Variants in ASTN1 observed in about 807,000 individuals in gnomAD.
The protein encoded by ASTN1 is astrotactin-1.
Under a neutral mutation model 140.7 loss-of-function variants are expected in ASTN1, and 41 were observed. The ratio of observed to expected loss-of-function variants is 0.29; its 90% CI spans 0.23 to 0.38. The LOEUF is 0.38. ASTN1 is among the 10% of genes least tolerant of loss of function. The pLI is 1.00. For missense variants in ASTN1, 1,479 were observed against 1,678.8 expected, an observed-to-expected ratio of 0.88 and a Z score of 2.08; for synonymous variants, 640 against 652.2, an observed-to-expected ratio of 0.98 and a Z score of 0.29.
At chr1:177,029,242 G>A in intron 5 of ASTN1, 2 of 455,124 alleles carry the variant, frequency 4.4e-6, no homozygotes, top group Non-Finnish European at 9.0e-6. Context: ...TCAAACCCAA[G>A]GCCAATGTGG....
intron 1 of ASTN1, among the ~76,000 whole-genome samples, chr1:177,162,406 G>C (rs1039288468): frequency 6.6e-6 from 1 of 152,214 alleles, no homozygotes. Flanking sequence ...AAGTGAGAGA[G>C]TGTGTCTGTG....
intron 8 of ASTN1, among the ~76,000 whole-genome samples, chr1:177,013,093 C>A (rs759435323): frequency 2.0e-5 from 3 of 152,152 alleles, no homozygotes; most frequent in Non-Finnish European, 4.4e-5. Context: ...CATCTATCAG[C>A]CAAACCTTCT....
At chr1:176,944,842 G>T (rs1375240938) in intron 13 of ASTN1, among the ~76,000 whole-genome samples, 1 of 152,170 alleles carries the variant, frequency 6.6e-6, no homozygotes, top group Non-Finnish European at 1.5e-5. Flanking sequence ...GATTAGTGAT[G>T]ACACCTCACT....
At chr1:177,137,744 T>C (rs1183172653) in intron 1 of ASTN1, among the ~76,000 whole-genome samples, 1 of 152,220 alleles carries the variant, frequency 6.6e-6, no homozygotes, top group African/African-American at 2.4e-5. Context: ...CCAGCCAAAC[T>C]GAACCTGGGT....
At chr1:177,063,941 C>G (rs904932806) in intron 1 of ASTN1, among the ~76,000 whole-genome samples, 1 of 152,150 alleles carries the variant, frequency 6.6e-6, no homozygotes, top group Non-Finnish European at 1.5e-5. Flanking sequence ...TGCCACTCAG[C>G]CCTTCCTGTA....
intron 1 of ASTN1, among the ~76,000 whole-genome samples, chr1:177,080,050 G>T (rs1679101715): frequency 6.6e-6 from 1 of 151,940 alleles, no homozygotes; most frequent in Non-Finnish European, 1.5e-5. Context: ...GTCAACAGCT[G>T]GTAGCTGTTG....
chr1:176,952,237 TCTTTC>T (rs1672220677), intron 11 of ASTN1, among the ~76,000 whole-genome samples: 1 of 152,096 alleles, frequency 6.6e-6, no homozygotes, highest in African/African-American at 2.4e-5. Flanking sequence ...GTATTTTCTT[TCTTTC>T]TTTTTTTTCT....
At chr1:177,152,721 A>T (rs1233212479) in intron 1 of ASTN1, among the ~76,000 whole-genome samples, 2 of 152,176 alleles carry the variant, frequency 1.3e-5, no homozygotes, top group Non-Finnish European at 2.9e-5. Flanking sequence ...TTACATTTTT[A>T]GAACCAGATA....
In ASTN1 at chr1:176,861,966, A is replaced by G. The variant is rs75382178; in HGVS notation, c.*2318T>C. The G allele has an allele frequency of 1.7e-4, 172 of 985,546 alleles. 4 individuals are homozygous for G. In the East Asian group the frequency reaches 0.016, roughly 92 times the overall value. The allele number at this position is 985,546 out of a possible 1,614,324, so 61.1% of individuals were successfully genotyped here. ...TGGCCTGTCAACTCCCACATCATCC[A>G]CTTCTGGGCAGGAAGGCATCGGCAG... On this transcript the variant is annotated 3_prime_UTR_variant, in exon 23 of 23. Transcript: ENST00000361833.
intron 8 of ASTN1, among the ~76,000 whole-genome samples, chr1:176,975,827 A>G (rs1022442096): frequency 6.6e-6 from 1 of 152,206 alleles, no homozygotes; most frequent in African/African-American, 2.4e-5. Flanking sequence ...GGGTTGGGTC[A>G]AACATCAGTA....
At chr1:176,999,721 G>A (rs755956259) in intron 8 of ASTN1, among the ~76,000 whole-genome samples, 1 of 152,086 alleles carries the variant, frequency 6.6e-6, no homozygotes, top group African/African-American at 2.4e-5. Flanking sequence ...GGAGGGACCC[G>A]GTGGGAGGTA....
chr1:177,094,656 C>A (rs971129119), intron 1 of ASTN1, among the ~76,000 whole-genome samples: 1 of 152,110 alleles, frequency 6.6e-6, no homozygotes, highest in Non-Finnish European at 1.5e-5. Flanking sequence ...GTTATAGCAG[C>A]CCGAACAGAC....
chr1:177,042,962 C>T (rs1677048116), intron 2 of ASTN1, among the ~76,000 whole-genome samples: 1 of 152,248 alleles, frequency 6.6e-6, no homozygotes, highest in Non-Finnish European at 1.5e-5. Context: ...TACCTGCAAT[C>T]TTCTCCAGTT....
intron 16 of ASTN1, among the ~76,000 whole-genome samples, chr1:176,914,159 T>C (rs138808060): frequency 1.3e-5 from 2 of 152,312 alleles, no homozygotes; most frequent in Admixed American, 1.3e-4. Context: ...ACAGAGAGGT[T>C]TATTACTTTG....
At chr1:177,085,988 G>A (rs919576815) in intron 1 of ASTN1, among the ~76,000 whole-genome samples, 1 of 152,064 alleles carries the variant, frequency 6.6e-6, no homozygotes, top group African/African-American at 2.4e-5. Context: ...AACTCTTCAT[G>A]GGGTTCTCAT....
intron 16 of ASTN1, among the ~76,000 whole-genome samples, chr1:176,915,071 A>C (rs1052528199): frequency 6.6e-6 from 1 of 152,214 alleles, no homozygotes; most frequent in African/African-American, 2.4e-5. Context: ...AACCGTTGAA[A>C]ACCATTAAAA....
chr1:176,900,317 C>G (rs138029331), intron 16 of ASTN1, among the ~76,000 whole-genome samples: 1 of 152,280 alleles, frequency 6.6e-6, no homozygotes, highest in Non-Finnish European at 1.5e-5. Context: ...CTCAACATGT[C>G]CCAAACTGTG....
At chr1:176,910,948 C>T (rs1670211286) in intron 16 of ASTN1, among the ~76,000 whole-genome samples, 1 of 152,160 alleles carries the variant, frequency 6.6e-6, no homozygotes, top group Admixed American at 6.5e-5. Flanking sequence ...CTTGAATCAT[C>T]CCCAAACCAT....
chr1:176,890,592 C>T (rs1177546659), intron 17 of ASTN1, among the ~76,000 whole-genome samples: 2 of 152,132 alleles, frequency 1.3e-5, no homozygotes, highest in Admixed American at 6.5e-5. Flanking sequence ...TAAGTAATTG[C>T]AGTATTTAAA....
Sources: allele counts gnomAD v4.1 joint callset (sites outside exome capture counted in the v4.1 genomes callset), GRCh38; gene constraint gnomAD v4.1.1; transcripts MANE v1.5; gene names NCBI Gene and HGNC (gene_info 2026-07-23, HGNC 2026-07-21).